Variants in RPTOR observed in about 807,000 individuals in gnomAD.
The protein encoded by RPTOR is regulatory-associated protein of mTOR.
Under a neutral mutation model 169.9 loss-of-function variants are expected in RPTOR, and 21 were observed. The ratio of observed to expected loss-of-function variants is 0.12; its 90% CI spans 0.09 to 0.18. RPTOR has a LOEUF of 0.18. Ranked by LOEUF, RPTOR falls within the 10% of genes least tolerant of loss-of-function variation. RPTOR has a pLI of 1.00. For missense variants in RPTOR, 1,133 were observed against 1,855.9 expected, an observed-to-expected ratio of 0.61 and a Z score of 7.16; for synonymous variants, 732 against 753.2, an observed-to-expected ratio of 0.97 and a Z score of 0.46.
chr17:80,614,445 T>G (rs2143497241), intron 1 of RPTOR, among the ~76,000 whole-genome samples: 4 of 152,390 alleles, frequency 2.6e-5, no homozygotes, highest in Admixed American at 2.6e-4. Context: ...AGGTGGCTCC[T>G]TCAGAATATC....
chr17:80,686,464 A>C (rs1407953633), intron 3 of RPTOR, among the ~76,000 whole-genome samples: 1 of 151,898 alleles, frequency 6.6e-6, no homozygotes, highest in African/African-American at 2.4e-5. Flanking sequence ...GAAAACTGAG[A>C]CTTAAGTGCG....
At chr17:80,547,264 A>G (rs1449494453) in intron 1 of RPTOR, among the ~76,000 whole-genome samples, 1 of 152,214 alleles carries the variant, frequency 6.6e-6, no homozygotes, top group Non-Finnish European at 1.5e-5. Flanking sequence ...AGTAGTAACT[A>G]TATAGTTAAA....
At chr17:80,899,919 T>C (rs4969299) in intron 20 of RPTOR, among the ~76,000 whole-genome samples, 110,453 of 152,148 alleles carry the variant, frequency 0.73, 40,512 homozygotes, top group Admixed American at 0.79. Context: ...CCTCCAAGGA[T>C]ACTCCTGTGA....
chr17:80,682,135 G>A lies in RPTOR; in HGVS notation c.349-25706G>A, dbSNP rs140433854. 9.9e-3 allele frequency among the ~76,000 whole-genome samples: 1,225 copies of A among 123,722 alleles called. 12 individuals carry two copies. Among genetic ancestry groups the A allele is most frequent in the African/African-American group, 0.035 (1,154 of 32,688 alleles). 81.2% of individuals were successfully genotyped at this position (123,722 alleles called of 152,430 possible). A position where few individuals can be genotyped will look rare whatever the true frequency, so the allele number is the denominator to read the frequency against. On this transcript the variant is annotated intron_variant, in intron 3 of 33. Coordinates refer to ENST00000306801, the MANE Select transcript of RPTOR (RefSeq NM_020761.3). The stretch of plus-strand genomic sequence containing the variant: ...CCCCCCCCACCCCAAACAAAGTCTC[G>A]CTCTGTCATCCAGGCTGGAGTACAG...
At chr17:80,877,286 G>C (rs900169971) in intron 13 of RPTOR, among the ~76,000 whole-genome samples, 1 of 152,250 alleles carries the variant, frequency 6.6e-6, no homozygotes, top group Non-Finnish European at 1.5e-5. Flanking sequence ...CCTGCGGGGA[G>C]GGTGGGGGCG....
chr17:80,677,553 C>T (rs2065869401), intron 3 of RPTOR, among the ~76,000 whole-genome samples: 1 of 152,178 alleles, frequency 6.6e-6, no homozygotes, highest in African/African-American at 2.4e-5. Context: ...TCACCTCCCA[C>T]CAGACTCCAG....
At chr17:80,948,396 C>T (rs374029452) in intron 27 of RPTOR, among the ~76,000 whole-genome samples, 18 of 152,356 alleles carry the variant, frequency 1.2e-4, no homozygotes, top group African/African-American at 4.1e-4. Flanking sequence ...AGCTGTCAGA[C>T]GTGACCGGGA....
chr17:80,885,900 T>C (rs563425795), intron 17 of RPTOR, among the ~76,000 whole-genome samples: 2 of 152,362 alleles, frequency 1.3e-5, no homozygotes, highest in East Asian at 3.9e-4. Context: ...ATATCACAGA[T>C]GATCGTCCAA....
chr17:80,954,767 A>G (rs1477118986), intron 28 of RPTOR, among the ~76,000 whole-genome samples: 1 of 152,186 alleles, frequency 6.6e-6, no homozygotes, highest in Non-Finnish European at 1.5e-5. Context: ...AAATACAAAA[A>G]TTAGCTGGAC....
chr17:80,704,118 G>A (rs1001107742), intron 3 of RPTOR, among the ~76,000 whole-genome samples: 3 of 152,166 alleles, frequency 2.0e-5, no homozygotes, highest in African/African-American at 7.2e-5. Flanking sequence ...CGTCCTACGT[G>A]TCCGCCATTC....
intron 10 of RPTOR, among the ~76,000 whole-genome samples, chr17:80,840,391 A>ACCACACGGCAG (rs2067617199): frequency 8.3e-6 from 1 of 121,162 alleles, no homozygotes; most frequent in African/African-American, 3.3e-5. Context: ...GCTCACTCTC[A>ACCACACGGCAG]CTGCATGGCA....
chr17:80,701,739 T>C (rs1261971500), intron 3 of RPTOR, among the ~76,000 whole-genome samples: 1 of 152,232 alleles, frequency 6.6e-6, no homozygotes, highest in Non-Finnish European at 1.5e-5. Flanking sequence ...ATATCACTTG[T>C]ACTCACAGAC....
At chr17:80,628,790 C>A (rs1326601253) in intron 2 of RPTOR, among the ~76,000 whole-genome samples, 1 of 152,120 alleles carries the variant, frequency 6.6e-6, no homozygotes, top group Non-Finnish European at 1.5e-5. Flanking sequence ...GAAATTTATT[C>A]TTTTTGGGTT....
At chr17:80,907,798 C>T (rs1219165359) in intron 20 of RPTOR, among the ~76,000 whole-genome samples, 1 of 152,222 alleles carries the variant, frequency 6.6e-6, no homozygotes, top group Non-Finnish European at 1.5e-5. Flanking sequence ...CCCTCTCGCT[C>T]CACCCCTCCT....
At chr17:80,813,979 CA>C (rs912839011) in intron 7 of RPTOR, among the ~76,000 whole-genome samples, 1 of 152,070 alleles carries the variant, frequency 6.6e-6, no homozygotes, top group Non-Finnish European at 1.5e-5. Flanking sequence ...ACCAAAAATA[CA>C]AAAAATTAGC....
intron 1 of RPTOR, among the ~76,000 whole-genome samples, chr17:80,553,348 G>A (rs544499506): frequency 6.6e-6 from 1 of 152,172 alleles, no homozygotes; most frequent in Non-Finnish European, 1.5e-5. Flanking sequence ...TGGATGTTGA[G>A]GCCTGTGTCC....
intron 13 of RPTOR, among the ~76,000 whole-genome samples, chr17:80,863,116 G>A (rs1325759314): frequency 6.6e-6 from 1 of 152,176 alleles, no homozygotes; most frequent in Non-Finnish European, 1.5e-5. Flanking sequence ...AAGAAAAGAC[G>A]GAAGAACACC....
chr17:80,840,455 T>C (rs71389772), intron 10 of RPTOR, among the ~76,000 whole-genome samples: 488 of 44,796 alleles, frequency 0.011, no homozygotes, highest in East Asian at 0.016. Flanking sequence ...CTCACTCTCT[T>C]TGCACCGCAG....
At chr17:80,867,532 A>G (rs1415397982) in intron 13 of RPTOR, among the ~76,000 whole-genome samples, 4 of 152,202 alleles carry the variant, frequency 2.6e-5, no homozygotes, top group African/African-American at 7.2e-5. Flanking sequence ...AGTTCTAGGT[A>G]GTACAGTGAG....
Sources: allele counts gnomAD v4.1 joint callset (sites outside exome capture counted in the v4.1 genomes callset), GRCh38; gene constraint gnomAD v4.1.1; transcripts MANE v1.5; gene names NCBI Gene and HGNC (gene_info 2026-07-23, HGNC 2026-07-21).